Variants in MYO10 observed in about 807,000 individuals in gnomAD.
MYO10 encodes myosin X, also known as unconventional myosin-X.
Under a neutral mutation model 257.3 loss-of-function variants are expected in MYO10, and 133 were observed. The observed-to-expected ratio is 0.52, with a 90% CI of 0.45 to 0.60. MYO10 has a LOEUF of 0.60. MYO10 is among the 20% of genes least tolerant of loss of function. MYO10 has a pLI of 0.00. For missense variants in MYO10, 2,399 were observed against 2,635.7 expected, an observed-to-expected ratio of 0.91 and a Z score of 1.97; for synonymous variants, 1,104 against 1,028.6, an observed-to-expected ratio of 1.07 and a Z score of -1.40.
intron 21 of MYO10, among the ~76,000 whole-genome samples, chr5:16,707,533 T>C (rs896828765): frequency 1.3e-5 from 2 of 152,192 alleles, no homozygotes; most frequent in Non-Finnish European, 2.9e-5. Context: ...GTTATTCTAG[T>C]ACACTGTCTT....
intron 9 of MYO10, among the ~76,000 whole-genome samples, chr5:16,777,413 C>T (rs1741252424): frequency 6.6e-6 from 1 of 152,002 alleles, no homozygotes; most frequent in South Asian, 2.1e-4. Context: ...AGAAATGATG[C>T]ATGATTTATA....
chr5:16,903,773 G>A (rs936812744), intron 1 of MYO10, among the ~76,000 whole-genome samples: 1 of 152,128 alleles, frequency 6.6e-6, no homozygotes, highest in African/African-American at 2.4e-5. Context: ...ACAGAAAGTG[G>A]CCATAATAAA....
intron 1 of MYO10, among the ~76,000 whole-genome samples, chr5:16,895,996 C>T (rs537209647): frequency 1.8e-4 from 27 of 152,324 alleles, no homozygotes; most frequent in Admixed American, 1.4e-3. Context: ...CTGCAGACGA[C>T]AGCCCCAGCT....
intron 2 of MYO10, among the ~76,000 whole-genome samples, chr5:16,849,119 CAATT>C (rs1743726627): frequency 6.6e-6 from 1 of 152,064 alleles, no homozygotes; most frequent in Non-Finnish European, 1.5e-5. Context: ...CGGCGCCTGG[CAATT>C]AATTAGGTAT....
chr5:16,784,519 C>T (rs141429765), intron 4 of MYO10, among the ~76,000 whole-genome samples: 4 of 152,158 alleles, frequency 2.6e-5, no homozygotes, highest in East Asian at 1.9e-4. Flanking sequence ...GAGACTTGAA[C>T]GGAGAAACCC....
At chr5:16,689,332 G>A (rs1402185986) in intron 28 of MYO10, among the ~76,000 whole-genome samples, 1 of 152,148 alleles carries the variant, frequency 6.6e-6, no homozygotes, top group Non-Finnish European at 1.5e-5. Flanking sequence ...AGTAAGTTCT[G>A]TGTAAGTTAG....
In MYO10 at chr5:16,748,122, T is replaced by C. The variant is rs539102815; in HGVS notation, c.1929+6706A>G. ...TCTCACTGTGTTGCACAGGCCGAAG[T>C]GCACTGGTGCGATCTCGGCTCACTG... is the stretch of plus-strand genomic sequence containing the variant. On this transcript the variant is annotated intron_variant, in intron 19 of 40. Transcript: ENST00000513610. Among the ~76,000 whole-genome samples, 68 of 152,264 alleles carry C rather than the reference T, an allele frequency of 4.5e-4. 2 individuals are homozygous for C. In the South Asian group the frequency reaches 0.011, roughly 25 times the overall value.
intron 1 of MYO10, among the ~76,000 whole-genome samples, chr5:16,879,231 T>C (rs1744693398): frequency 6.6e-6 from 1 of 152,194 alleles, no homozygotes; most frequent in Admixed American, 6.5e-5. Context: ...GCACTTTAAC[T>C]GAACAACTCC....
At chr5:16,721,965 G>T (rs1739169318) in intron 19 of MYO10, among the ~76,000 whole-genome samples, 1 of 152,164 alleles carries the variant, frequency 6.6e-6, no homozygotes, top group South Asian at 2.1e-4. Context: ...TACCTTCCCA[G>T]TCAATACGCC....
intron 2 of MYO10, among the ~76,000 whole-genome samples, chr5:16,834,465 T>A (rs1743254316): frequency 6.6e-6 from 1 of 152,156 alleles, no homozygotes; most frequent in African/African-American, 2.4e-5. Flanking sequence ...TGGATCAATC[T>A]GTGGGGACCA....
chr5:16,894,654 G>A (rs1450125239), intron 1 of MYO10, among the ~76,000 whole-genome samples: 6 of 152,166 alleles, frequency 3.9e-5, no homozygotes, highest in Admixed American at 6.5e-5. Context: ...GAGATCCAGC[G>A]CAAAGATTAG....
chr5:16,689,333 TGTAA>T (rs1405539627), intron 28 of MYO10, among the ~76,000 whole-genome samples: 2 of 152,222 alleles, frequency 1.3e-5, no homozygotes, highest in African/African-American at 4.8e-5. Flanking sequence ...GTAAGTTCTG[TGTAA>T]GTTAGTACCT....
At chr5:16,757,548 C>T (rs2126645864) in intron 18 of MYO10, among the ~76,000 whole-genome samples, 1 of 152,212 alleles carries the variant, frequency 6.6e-6, no homozygotes, top group Middle Eastern at 3.4e-3. Context: ...AGAGTGGTCC[C>T]AAATGGCCTT....
intron 2 of MYO10, among the ~76,000 whole-genome samples, chr5:16,876,220 G>A (rs1346806305): frequency 6.6e-6 from 1 of 152,128 alleles, no homozygotes; most frequent in Admixed American, 6.6e-5. Flanking sequence ...ATGTACCTCT[G>A]AGGTAGAGGC....
chr5:16,761,460 AT>A lies in MYO10; in HGVS notation c.1739+3del. The A allele has an allele frequency of 6.2e-7, 1 of 1,607,992 alleles. No individual in the cohort carries two copies. Among genetic ancestry groups the A allele is most frequent in the Non-Finnish European group, 8.5e-7 (1 of 1,174,752 alleles). ...AGTACTTCTCGGTGAGAAGACTGAC[AT>A]ACCGGCTTTCTCTTAGCAAATTGAG... On this transcript the variant is annotated splice_donor_region_variant and intron_variant, in intron 17 of 40. Transcript: ENST00000513610.
At chr5:16,672,871 C>G in intron 36 of MYO10, 46 bp from the exon 37 acceptor site, 9 of 1,592,842 alleles carry the variant, frequency 5.7e-6, no homozygotes, top group Non-Finnish European at 7.7e-6. Context: ...GCTGCGGCCC[C>G]AACACGTGTT....
intron 2 of MYO10, among the ~76,000 whole-genome samples, chr5:16,832,792 A>C (rs1743197919): frequency 6.6e-6 from 1 of 152,170 alleles, no homozygotes; most frequent in Non-Finnish European, 1.5e-5. Flanking sequence ...AAGCATCTCA[A>C]AACAAAAACT....
chr5:16,750,774 T>C (rs1162228208), intron 19 of MYO10, among the ~76,000 whole-genome samples: 7 of 152,072 alleles, frequency 4.6e-5, no homozygotes, highest in Admixed American at 4.6e-4. Context: ...GGCAAGGAGA[T>C]CACCTGAGGT....
At chr5:16,796,834 G>C (rs150171905) in intron 3 of MYO10, among the ~76,000 whole-genome samples, 2 of 152,288 alleles carry the variant, frequency 1.3e-5, no homozygotes, top group Admixed American at 1.3e-4. Context: ...ACTATGCTTG[G>C]AGATAGGGGC....
Sources: gnomAD v4.1 joint callset for allele counts (sites outside exome capture counted in the v4.1 genomes callset) on GRCh38, gnomAD v4.1.1 for gene constraint, MANE v1.5 for transcripts, NCBI Gene and HGNC (gene_info 2026-07-23, HGNC 2026-07-21) for gene names.